Variants in LYZL4 observed in about 807,000 individuals in gnomAD.
LYZL4 encodes lysozyme-like protein 4.
LYZL4 carries 13 observed loss-of-function variants against 17.6 expected under a neutral mutation model. That is an observed-to-expected ratio of 0.74 (90% CI 0.48 to 1.18). The LOEUF is 1.18. LYZL4 is among the 50% of genes most tolerant of loss of function. LYZL4 has a pLI of 0.00. For missense variants in LYZL4, 174 were observed against 188.2 expected (o/e 0.92, Z 0.44); for synonymous variants, 64 against 67.7 (o/e 0.95, Z 0.27).
chr3:42,410,032 C>G lies in LYZL4; in HGVS notation c.-93+385G>C, dbSNP rs576666404. Among the ~76,000 whole-genome samples, 4 of 152,290 alleles carry G rather than the reference C, an allele frequency of 2.6e-5. No individual in the cohort carries two copies. In the South Asian group the frequency reaches 8.3e-4, roughly 32 times the overall value. On this transcript the variant is annotated intron_variant, in intron 1 of 4. Coordinates refer to ENST00000287748, the MANE Select transcript of LYZL4 (RefSeq NM_144634.4). ...CTGCCCTGACCACCACATACGAGCT[C>G]ACTACCTCAAAGAAGATTCCTTGAT...
At chr3:42,381,959 GA>G in the LYZL4 span, among the ~76,000 whole-genome samples, 8 of 152,172 alleles carry the variant, frequency 5.3e-5, no homozygotes, top group Non-Finnish European at 1.0e-4. Flanking sequence ...CTGTGAGGGG[GA>G]AAAACATCCT....
downstream of LYZL4, among the ~76,000 whole-genome samples, chr3:42,393,337 G>GCA (rs3071913): frequency 0.07 from 10,439 of 148,752 alleles, 802 homozygotes; most frequent in African/African-American, 0.2. Context: ...GTGTGCGCGT[G>GCA]CACACACACA....
chr3:42,397,106 C>T lies in LYZL4; in HGVS notation c.*159G>A. 1 of 572,694 alleles carries T rather than the reference C, an allele frequency of 1.7e-6. No homozygotes were observed. Among genetic ancestry groups the T allele is most frequent in the Non-Finnish European group, 3.2e-6 (1 of 313,300 alleles). The allele number at this position is 572,694 out of a possible 1,614,324, so 35.5% of individuals were successfully genotyped here. A position where few individuals can be genotyped will look rare whatever the true frequency, so the allele number is the denominator to read the frequency against. On this transcript the variant is annotated 3_prime_UTR_variant, in exon 5 of 5. Coordinates refer to ENST00000287748, the MANE Select transcript of LYZL4 (RefSeq NM_144634.4). ...AGTTGAGTAACTAGTTTGGTTTATT[C>T]TGCATCCTGCATCCCCGGATGAAGC... is the stretch of plus-strand genomic sequence containing the variant.
rs912791235 is a variant in LYZL4, at chr3:42,406,981, A to G, written c.157T>C (p.Phe53Leu). The G allele has an allele frequency of 6.2e-7, 1 of 1,614,058 alleles. No homozygotes were observed. The highest frequency in any genetic ancestry group is 8.5e-7 in the Non-Finnish European group (1 of 1,180,048). The change falls in exon 3 of 5, where the codon TTC becomes CTC. Residue 53 changes from phenylalanine (F) to leucine (L), a missense_variant. Transcript: ENST00000287748. Reference protein sequence around the residue: ...SLENWVCLAYFESKFNPMAIY... With the variant: ...SLENWVCLAYLESKFNPMAIY... ...GCCATGGGGTTGAACTTGCTCTCGAAGTAGGCCAGGCACACCCCTAAGATG... is the reference window on the plus strand; with the variant it reads ...GCCATGGGGTTGAACTTGCTCTCGAGGTAGGCCAGGCACACCCCTAAGATG...
At chr3:42,379,153 T>C in the LYZL4 span, among the ~76,000 whole-genome samples, 67 of 152,326 alleles carry the variant, frequency 4.4e-4, no homozygotes, top group African/African-American at 7.5e-4. Flanking sequence ...GGTCAGCTTA[T>C]GCCTGCTCCA....
chr3:42,372,087 G>A, the LYZL4 span, among the ~76,000 whole-genome samples: 1 of 152,220 alleles, frequency 6.6e-6, no homozygotes, highest in African/African-American at 2.4e-5. Flanking sequence ...TACTTCTGGT[G>A]ATAATTGGTG....
chr3:42,373,367 C>T, the LYZL4 span, among the ~76,000 whole-genome samples: 1 of 152,080 alleles, frequency 6.6e-6, no homozygotes, highest in Non-Finnish European at 1.5e-5. Flanking sequence ...TTCCTGGGTG[C>T]CAGCCACATT....
At chr3:42,401,374 C>T (rs1017258752) in intron 4 of LYZL4, among the ~76,000 whole-genome samples, 1 of 151,862 alleles carries the variant, frequency 6.6e-6, no homozygotes, top group African/African-American at 2.4e-5. Context: ...CCACGCCCGG[C>T]TAATTTTTGC....
At chr3:42,397,456 T>A in intron 4 of LYZL4, 122 bp from the exon 5 acceptor site, 1 of 656,224 alleles carries the variant, frequency 1.5e-6, no homozygotes, top group Non-Finnish European at 2.7e-6. Flanking sequence ...GTTTTCCACC[T>A]CTGCCGTGGG....
chr3:42,372,450 T>A, the LYZL4 span, among the ~76,000 whole-genome samples: 3 of 152,060 alleles, frequency 2.0e-5, no homozygotes, highest in Non-Finnish European at 4.4e-5. Context: ...GATTTGGAGG[T>A]GATTCTGGGA....
chr3:42,385,607 A>G, the LYZL4 span, among the ~76,000 whole-genome samples: 1 of 152,182 alleles, frequency 6.6e-6, no homozygotes, highest in Non-Finnish European at 1.5e-5. Flanking sequence ...GGAAGAGATG[A>G]TGCCATTCAC....
the LYZL4 span, among the ~76,000 whole-genome samples, chr3:42,391,178 G>A: frequency 6.6e-6 from 1 of 152,162 alleles, no homozygotes; most frequent in Admixed American, 6.5e-5. Flanking sequence ...CTATTGTACT[G>A]TATGTACAGA....
chr3:42,393,865 C>T (rs2125598186), downstream of LYZL4, among the ~76,000 whole-genome samples: 1 of 152,164 alleles, frequency 6.6e-6, no homozygotes, highest in South Asian at 2.1e-4. Context: ...GATCTCGGCT[C>T]ACTGCAACCT....
At chr3:42,409,677 C>T (rs1488042104) in intron 1 of LYZL4, among the ~76,000 whole-genome samples, 1 of 152,232 alleles carries the variant, frequency 6.6e-6, no homozygotes, top group Non-Finnish European at 1.5e-5. Context: ...TCTAACTACA[C>T]TCCTCTACTA....
intron 4 of LYZL4, among the ~76,000 whole-genome samples, chr3:42,400,848 G>C (rs957927127): frequency 6.6e-6 from 1 of 152,166 alleles, no homozygotes; most frequent in African/African-American, 2.4e-5. Context: ...GTGTAGGCCT[G>C]CCATCATAAA....
At chr3:42,370,545 C>A in the LYZL4 span, among the ~76,000 whole-genome samples, 3 of 152,080 alleles carry the variant, frequency 2.0e-5, no homozygotes, top group African/African-American at 7.2e-5. Context: ...AATCTCCAGG[C>A]CAATGAAAAA....
chr3:42,386,550 G>A, the LYZL4 span, among the ~76,000 whole-genome samples: 1 of 152,042 alleles, frequency 6.6e-6, no homozygotes, highest in Admixed American at 6.5e-5. Flanking sequence ...CATATTTCCA[G>A]GTTTGGGGGA....
chr3:42,382,628 G>A, the LYZL4 span, among the ~76,000 whole-genome samples: 3 of 151,810 alleles, frequency 2.0e-5, no homozygotes, highest in Non-Finnish European at 4.4e-5. Flanking sequence ...AGGAAATGGA[G>A]ATGACCAACT....
the LYZL4 span, among the ~76,000 whole-genome samples, chr3:42,387,457 CT>C: frequency 2.6e-5 from 4 of 152,170 alleles, no homozygotes; most frequent in Non-Finnish European, 5.9e-5. Context: ...AGTTTGACTT[CT>C]GTGAAGGCGA....
Sources: gnomAD v4.1 joint callset for allele counts (sites outside exome capture counted in the v4.1 genomes callset) on GRCh38, gnomAD v4.1.1 for gene constraint, MANE v1.5 for transcripts, NCBI Gene and HGNC (gene_info 2026-07-23, HGNC 2026-07-21) for gene names.